Variants in SCN11A observed in about 807,000 individuals in gnomAD.
SCN11A encodes the protein sodium voltage-gated channel alpha subunit 11, also known as sodium channel protein type 11 subunit alpha.
In SCN11A, 122 loss-of-function variants were observed where a neutral mutation model predicts 162.2. The ratio of observed to expected loss-of-function variants is 0.75; its 90% CI spans 0.65 to 0.87. The LOEUF is 0.87. Ranked by LOEUF, SCN11A falls within the 40% of genes least tolerant of loss-of-function variation. SCN11A has a pLI of 0.00. For missense variants in SCN11A, 2,015 were observed against 2,181.6 expected, an observed-to-expected ratio of 0.92 and a Z score of 1.52; for synonymous variants, 758 against 751.5, an observed-to-expected ratio of 1.01 and a Z score of -0.14.
intron 2 of SCN11A, among the ~76,000 whole-genome samples, chr3:39,011,675 T>C (rs1047667324): frequency 6.6e-6 from 1 of 152,220 alleles, no homozygotes; most frequent in Non-Finnish European, 1.5e-5. Context: ...GGTTGCTCAT[T>C]TATTTCTCAA....
chr3:38,954,379 C>T (rs150059144), intron 3 of SCN11A, among the ~76,000 whole-genome samples: 54 of 152,222 alleles, frequency 3.5e-4, no homozygotes, highest in African/African-American at 8.9e-4. Flanking sequence ...AAAATGGATG[C>T]GCTGTGAAAG....
At chr3:38,993,665 AC>A (rs1011121474) in intron 2 of SCN11A, among the ~76,000 whole-genome samples, 8 of 152,130 alleles carry the variant, frequency 5.3e-5, no homozygotes, top group Non-Finnish European at 2.9e-5. Flanking sequence ...AGAAAGAAAC[AC>A]CCAAGCAGTC....
In SCN11A at chr3:38,894,548, A is replaced by G. The variant is rs780468589; in HGVS notation, c.2820T>C (p.Pro940=). The change falls in exon 19 of 30, where the codon CCT becomes CCC. Residue 940 remains proline, a synonymous_variant. Coordinates refer to ENST00000302328, the MANE Select transcript of SCN11A (RefSeq NM_001349253.2). ...ACCTTCATACCTGTTGTTCAGGCTC[A>G]GGTTGTGTGATGCGCTGTGCATTAT... ...GEDNAQRITQ[P]EPEQQAYELH... 14 of 1,607,270 alleles carry G rather than the reference A, an allele frequency of 8.7e-6. No individual in the cohort carries two copies. The highest frequency in any genetic ancestry group is 1.2e-5 in the Non-Finnish European group (14 of 1,176,906).
At chr3:38,938,533 TATATATATATATATATA>T (rs1335494836) in intron 7 of SCN11A, among the ~76,000 whole-genome samples, 12 of 21,640 alleles carry the variant, frequency 5.5e-4, no homozygotes, top group African/African-American at 2.1e-3. Context: ...TATATATATA[TATATATATATATATATA>T]TTTTTTTTTT....
intron 4 of SCN11A, among the ~76,000 whole-genome samples, chr3:38,951,416 C>G (rs545542376): frequency 6.6e-6 from 1 of 152,384 alleles, no homozygotes; most frequent in East Asian, 1.9e-4. Context: ...CTGCAGCCCG[C>G]CATGCCTGAG....
At chr3:38,872,345 G>C in intron 23 of SCN11A, 51 bp from the exon 24 acceptor site, 1 of 1,007,530 alleles carries the variant, frequency 9.9e-7, no homozygotes, top group Non-Finnish European at 1.6e-6. Flanking sequence ...TGTCCAGCTG[G>C]AAAGTCCATT....
Position 38,871,631 on chromosome 3 carries a change from T to C in SCN11A, c.3573A>G (p.Val1191=). 1.9e-6 allele frequency: 3 copies of C among 1,612,844 alleles called. No individual in the cohort carries two copies. Among genetic ancestry groups the C allele is most frequent in the Non-Finnish European group, 8.5e-7 (1 of 1,179,158 alleles). ...VLLVCLIFWL[V]FCILGVYFFS... ...AGAAGTATACTCCCAGAATACAAAATACGAGCCAGAAAATGAGGCAGACAA... is the reference window on the plus strand; with the variant it reads ...AGAAGTATACTCCCAGAATACAAAACACGAGCCAGAAAATGAGGCAGACAA... Residue 1191 remains valine, a synonymous_variant, in exon 25 of 30, where the codon GTA becomes GTG. Transcript: ENST00000302328.
At chr3:38,889,693 G>A (rs1049470953) in intron 19 of SCN11A, among the ~76,000 whole-genome samples, 2 of 151,456 alleles carry the variant, frequency 1.3e-5, no homozygotes, top group African/African-American at 4.9e-5. Flanking sequence ...CCAGCTACTC[G>A]GGAGGCTGAG....
intron 2 of SCN11A, among the ~76,000 whole-genome samples, chr3:39,024,796 T>C (rs1271093571): frequency 6.7e-6 from 1 of 150,154 alleles, no homozygotes; most frequent in East Asian, 1.9e-4. Context: ...CCTTGCTGGA[T>C]ATCCCCAGTC....
chr3:38,937,618 A>G (rs1487177543), intron 7 of SCN11A, among the ~76,000 whole-genome samples: 2 of 151,424 alleles, frequency 1.3e-5, no homozygotes, highest in African/African-American at 4.8e-5. Context: ...AAACACATGA[A>G]AAAATGCTCA....
chr3:38,865,261 G>A (rs969952164), intron 27 of SCN11A, among the ~76,000 whole-genome samples: 2 of 152,140 alleles, frequency 1.3e-5, no homozygotes, highest in African/African-American at 4.8e-5. Context: ...AAAACAAAAG[G>A]ATATAGTGGA....
chr3:39,031,064 G>T (rs542691824), intron 2 of SCN11A, among the ~76,000 whole-genome samples: 1 of 152,018 alleles, frequency 6.6e-6, no homozygotes, highest in Non-Finnish European at 1.5e-5. Context: ...TGGTTTATGT[G>T]TCTCTAATAT....
chr3:38,872,643 G>C (rs1025040397), intron 23 of SCN11A, among the ~76,000 whole-genome samples: 3 of 152,106 alleles, frequency 2.0e-5, no homozygotes, highest in African/African-American at 4.8e-5. Flanking sequence ...TGGTGAATTT[G>C]AAAAATTTGA....
intron 4 of SCN11A, among the ~76,000 whole-genome samples, chr3:38,952,541 T>C (rs1299707945): frequency 6.6e-6 from 1 of 152,156 alleles, no homozygotes; most frequent in East Asian, 1.9e-4. Context: ...AGAAACACAG[T>C]CCCTGGTCCA....
rs762191660 is a variant in SCN11A at position 38,846,836 on chromosome 3, C to T, written c.5234G>A (p.Arg1745Gln). 41 of 1,613,928 alleles carry T rather than the reference C, an allele frequency of 2.5e-5. No individual in the cohort carries two copies. Among genetic ancestry groups the T allele is most frequent in the African/African-American group, 4.0e-5 (3 of 74,870 alleles). The change falls in exon 30 of 30, where the codon CGA (arginine) becomes CAA (glutamine). Residue 1745 changes from arginine to glutamine, a missense_variant. By Grantham distance (43) the Arg-to-Gln change is conservative. Coordinates refer to ENST00000302328, the MANE Select transcript of SCN11A (RefSeq NM_001349253.2). ...RGAAIIQKAF[R>Q]KYMMKVTKGD... ...CTTGGTCACCTTCATCATGTACTTT[C>T]GAAAGGCCTTTTGAATAATAGCAGC...
chr3:39,022,220 A>C (rs1301824843), intron 2 of SCN11A, among the ~76,000 whole-genome samples: 1 of 152,218 alleles, frequency 6.6e-6, no homozygotes, highest in Non-Finnish European at 1.5e-5. Context: ...CCTGGGACTC[A>C]TGGAGAGGCG....
intron 23 of SCN11A, among the ~76,000 whole-genome samples, 154 bp from the exon 24 acceptor site, chr3:38,872,448 T>C (rs747753326): frequency 6.6e-6 from 1 of 152,040 alleles, no homozygotes; most frequent in Non-Finnish European, 1.5e-5. Context: ...ATCCGAGAAA[T>C]TGTTGTGAAT....
intron 7 of SCN11A, among the ~76,000 whole-genome samples, chr3:38,927,738 G>A (rs1426566985): frequency 6.6e-6 from 1 of 152,108 alleles, no homozygotes; most frequent in African/African-American, 2.4e-5. Context: ...GTGAAGCGAA[G>A]GGGAAAGCCC....
intron 28 of SCN11A, among the ~76,000 whole-genome samples, chr3:38,857,205 T>C (rs1444276125): frequency 6.6e-6 from 1 of 151,832 alleles, no homozygotes; most frequent in Non-Finnish European, 1.5e-5. Flanking sequence ...ATTAAGCTAA[T>C]CAAGGAGATA....
Sources: gnomAD v4.1 joint callset for allele counts (sites outside exome capture counted in the v4.1 genomes callset) on GRCh38, gnomAD v4.1.1 for gene constraint, MANE v1.5 for transcripts, NCBI Gene and HGNC (gene_info 2026-07-23, HGNC 2026-07-21) for gene names.